Variants in ABHD5 observed in about 807,000 individuals in gnomAD.
The protein encoded by ABHD5 is abhydrolase domain containing 5, lysophosphatidic acid acyltransferase, also known as 1-acylglycerol-3-phosphate O-acyltransferase ABHD5.
In ABHD5, 30 loss-of-function variants were observed where a neutral mutation model predicts 44.9. The observed-to-expected ratio is 0.67, with a 90% CI of 0.50 to 0.91. The LOEUF is 0.91. Among genes scored for constraint, ABHD5 ranks in the 40% least tolerant of loss-of-function variants. The pLI is 0.00. For synonymous variants in ABHD5, 167 were observed against 147.0 expected (o/e 1.14, Z -0.99); for missense variants, 399 against 423.4 (o/e 0.94, Z 0.50).
chr3:43,717,639 C>G, intron 5 of ABHD5, 32 bp from the exon 6 acceptor site: 1 of 1,611,956 alleles, frequency 6.2e-7, no homozygotes, highest in Non-Finnish European at 8.5e-7. Flanking sequence ...TCCCAAAAAT[C>G]ATACATCGTG....
chr3:43,728,771 A>T (rs943367387), intron 7 of ABHD5, among the ~76,000 whole-genome samples: 1 of 152,236 alleles, frequency 6.6e-6, no homozygotes, highest in Non-Finnish European at 1.5e-5. Context: ...GATAGATCTG[A>T]GAACTAAGGA....
chr3:43,704,297 C>G (rs943703901), intron 3 of ABHD5, among the ~76,000 whole-genome samples: 3 of 152,122 alleles, frequency 2.0e-5, no homozygotes, highest in Non-Finnish European at 4.4e-5. Context: ...CCTTGGCCTC[C>G]CAAAGTGTTG....
At chr3:43,696,503 A>G (rs904188374) in intron 1 of ABHD5, among the ~76,000 whole-genome samples, 4 of 152,160 alleles carry the variant, frequency 2.6e-5, no homozygotes, top group African/African-American at 9.7e-5. Flanking sequence ...GGAGGGGGCA[A>G]AGGGTCTCTT....
At chr3:43,727,860 C>T (rs1219680268) in intron 7 of ABHD5, among the ~76,000 whole-genome samples, 4 of 152,154 alleles carry the variant, frequency 2.6e-5, no homozygotes, top group Non-Finnish European at 5.9e-5. Flanking sequence ...CAGCCCGCCT[C>T]GGCCTCCCAA....
chr3:43,698,714 G>C (rs1343888505), intron 1 of ABHD5, among the ~76,000 whole-genome samples: 1 of 152,178 alleles, frequency 6.6e-6, no homozygotes, highest in African/African-American at 2.4e-5. Flanking sequence ...CAGTTAACCA[G>C]TTCACCCTAA....
At chr3:43,705,862 T>C (rs1026096296) in intron 3 of ABHD5, among the ~76,000 whole-genome samples, 2 of 152,206 alleles carry the variant, frequency 1.3e-5, no homozygotes, top group African/African-American at 4.8e-5. Context: ...ATGTTGCTCA[T>C]ATTTGTTAAC....
At position 43,715,085 on chromosome 3, in the gene ABHD5, C is replaced by CTGTGTGTGTGTGTGTGTGTG. The variant is rs10662733; in HGVS notation, c.773+43_773+62dup. ...TGAGGGTTAGGATTCTCAATTCACT[C>CTGTGTGTGTGTGTGTGTGTG]TGTGTGTGTGTGTGTGTGTGTGTGT... On this transcript the variant is annotated intron_variant, in intron 5 of 6. Transcript: ENST00000644371. 5.0e-5 allele frequency: 42 copies of CTGTGTGTGTGTGTGTGTGTG among 846,842 alleles called. No homozygotes were observed. The African/African-American group carries it at 5.1e-4, about 10-fold the overall frequency. 52.5% of individuals were successfully genotyped at this position (846,842 alleles called of 1,614,324 possible). A position where few individuals can be genotyped will look rare whatever the true frequency, so the allele number is the denominator to read the frequency against.
chr3:43,714,990 G>T lies in ABHD5; in HGVS notation c.705G>T (p.Lys235Asn), dbSNP rs1465720006. Residue 235 changes from lysine (K) to asparagine (N), a missense_variant, in exon 5 of 7, where the codon AAG becomes AAT. Coordinates refer to ENST00000644371, the MANE Select transcript of ABHD5 (RefSeq NM_016006.6). ...GTTTAAGGCCTGATTTCAAACGAAA[G>T]TATTCTTCAATGTTCGAAGACGATA... ...VQRLRPDFKRKYSSMFEDDTV... is the reference protein window; with the variant it reads ...VQRLRPDFKRNYSSMFEDDTV... The T allele has an allele frequency of 6.2e-7, 1 of 1,613,150 alleles. No individual in the cohort carries two copies. The highest frequency in any genetic ancestry group is 1.1e-5 in the South Asian group (1 of 91,036).
intron 3 of ABHD5, among the ~76,000 whole-genome samples, chr3:43,704,633 C>G (rs114258423): frequency 7.9e-4 from 121 of 152,302 alleles, no homozygotes; most frequent in Non-Finnish European, 1.6e-3. Flanking sequence ...GCAAGAGTTT[C>G]ATTTGCAATT....
intron 1 of ABHD5, among the ~76,000 whole-genome samples, chr3:43,692,237 A>T (rs2084403007): frequency 6.6e-6 from 1 of 152,194 alleles, no homozygotes; most frequent in Non-Finnish European, 1.5e-5. Context: ...AAAATTGTGA[A>T]ATATTAGAAA....
chr3:43,703,792 A>G (rs902376401), intron 3 of ABHD5, among the ~76,000 whole-genome samples: 7 of 152,218 alleles, frequency 4.6e-5, no homozygotes, highest in Non-Finnish European at 1.0e-4. Flanking sequence ...TGTGTGTTCA[A>G]CACAGAATTT....
chr3:43,707,979 C>G (rs758970296), intron 3 of ABHD5, among the ~76,000 whole-genome samples: 13 of 152,136 alleles, frequency 8.5e-5, no homozygotes, highest in Non-Finnish European at 1.3e-4. Flanking sequence ...GTCTTTAAAT[C>G]TCATGAAGGT....
intron 3 of ABHD5, among the ~76,000 whole-genome samples, chr3:43,704,488 A>G (rs1400174061): frequency 2.0e-5 from 3 of 152,128 alleles, no homozygotes; most frequent in Non-Finnish European, 4.4e-5. Context: ...TCAGGTATGT[A>G]TTATGTCTGT....
intron 5 of ABHD5, among the ~76,000 whole-genome samples, chr3:43,716,412 C>A (rs1462863211): frequency 6.6e-6 from 1 of 152,168 alleles, no homozygotes; most frequent in Admixed American, 6.5e-5. Flanking sequence ...CTTTCTAAGA[C>A]TGAGGTTTGG....
intron 1 of ABHD5, among the ~76,000 whole-genome samples, chr3:43,692,479 T>G (rs911944146): frequency 1.2e-4 from 19 of 152,176 alleles, no homozygotes; most frequent in Admixed American, 1.2e-3. Context: ...GTGAAAGGGT[T>G]TTATGGCTTG....
intron 7 of ABHD5, among the ~76,000 whole-genome samples, chr3:43,729,853 C>T (rs2084901791): frequency 6.6e-6 from 1 of 151,984 alleles, no homozygotes; most frequent in Non-Finnish European, 1.5e-5. Flanking sequence ...AGACTCCTTT[C>T]TACTGGGTCA....
intron 4 of ABHD5, among the ~76,000 whole-genome samples, chr3:43,712,746 C>T (rs985179745): frequency 5.9e-5 from 9 of 152,082 alleles, no homozygotes; most frequent in African/African-American, 2.2e-4. Flanking sequence ...CTTTTTTCCT[C>T]ACGGTGGTTT....
rs144183499 is a variant in ABHD5 at position 43,732,738 on chromosome 3, G to C, written c.*30-1142G>C. Among the ~76,000 whole-genome samples the C allele has an allele frequency of 3.9e-3, 598 of 152,316 alleles. 1 individual carries two copies. Among genetic ancestry groups the C allele is most frequent in the African/African-American group, 0.013 (529 of 41,562 alleles). ...ATGGTTTCTGCGGATGAAGAATTCA[G>C]ACATGGCTGAGCTAGGTCCTCTGCT... On this transcript the variant is annotated intron_variant, in intron 7 of 7. Transcript: ENST00000454293.
chr3:43,693,248 A>C (rs2084424187), intron 1 of ABHD5, among the ~76,000 whole-genome samples: 1 of 152,216 alleles, frequency 6.6e-6, no homozygotes, highest in Non-Finnish European at 1.5e-5. Flanking sequence ...AGCCATTGCT[A>C]AATTTTCAGG....
Sources: gnomAD v4.1 joint callset for allele counts (sites outside exome capture counted in the v4.1 genomes callset) on GRCh38, gnomAD v4.1.1 for gene constraint, MANE v1.5 for transcripts, NCBI Gene and HGNC (gene_info 2026-07-23, HGNC 2026-07-21) for gene names.